The following CREBBP variants were observed in gnomAD, a reference collection of about 807,000 sequenced individuals.
CREBBP encodes the protein CREB-binding protein.
Under a neutral mutation model 265.0 loss-of-function variants are expected in CREBBP, and 19 were observed. The observed-to-expected ratio is 0.07, with a 90% confidence interval of 0.05 to 0.11. CREBBP has a LOEUF of 0.11. Ranked by LOEUF, CREBBP falls within the 10% of genes least tolerant of loss-of-function variation. The pLI is 1.00. For missense variants in CREBBP, 2,525 were observed against 3,219.0 expected (o/e 0.78, Z 5.22); for synonymous variants, 1,457 against 1,223.7 (o/e 1.19, Z -3.98).
Position 3,855,453 on chromosome 16 carries a change from C to CG in CREBBP, c.86-4445dup, listed in dbSNP as rs372976887. Among the ~76,000 whole-genome samples, 374 of 152,152 alleles carry CG rather than the reference C, an allele frequency of 2.5e-3. 2 individuals are homozygous for CG. The highest frequency in any genetic ancestry group is 8.6e-3 in the African/African-American group (355 of 41,514). On this transcript the variant is annotated intron_variant, in intron 1 of 30. Transcript: ENST00000262367. Reference sequence around the variant, plus strand: ...CTAACGTTTGTATTTTTAGTAGAGACGGGGTTTCGCCACGTTGGCCAGGCT... The same window carrying CG: ...CTAACGTTTGTATTTTTAGTAGAGACGGGGGTTTCGCCACGTTGGCCAGGCT...
chr16:3,814,867 G>A (rs1034285555), intron 2 of CREBBP, among the ~76,000 whole-genome samples: 20 of 152,122 alleles, frequency 1.3e-4, no homozygotes, highest in African/African-American at 4.3e-4. Flanking sequence ...CAAATCTCTG[G>A]CACCAGGGCC....
chr16:3,790,861 C>T (rs566522677), intron 5 of CREBBP, among the ~76,000 whole-genome samples: 88 of 152,282 alleles, frequency 5.8e-4, no homozygotes, highest in African/African-American at 1.9e-3. Context: ...GTCACTGGCA[C>T]GCCACTCCAC....
intron 2 of CREBBP, among the ~76,000 whole-genome samples, chr16:3,830,398 TCAAAA>T (rs746109725): frequency 6.6e-6 from 1 of 150,786 alleles, no homozygotes. Flanking sequence ...ACATCCTGTA[TCAAAA>T]CAAAACAAAA....
intron 1 of CREBBP, among the ~76,000 whole-genome samples, chr16:3,875,832 G>C (rs989107341): frequency 8.5e-5 from 13 of 152,104 alleles, no homozygotes; most frequent in African/African-American, 3.1e-4. Context: ...AGGTGACGTG[G>C]AGAAAAGCAC....
rs370509157 is a variant in CREBBP, at chr16:3,810,753, T to G, written c.825A>C (p.Pro275=). The G allele has an allele frequency of 8.7e-6, 14 of 1,613,896 alleles. No individual in the cohort carries two copies. The South Asian group carries it at 8.8e-5, about 10-fold the overall frequency. Residue 275 remains proline, a synonymous_variant, in exon 3 of 31, where the codon CCA becomes CCC. Coordinates refer to ENST00000262367, the MANE Select transcript of CREBBP (RefSeq NM_004380.3). ...AKMGITGNTS[P]FGQPFSQAGG... ...CAGCTTGACTAAAGGGCTGTCCAAATGGACTTGTGTTCCCAGTTATTCCCA... is the reference window on the plus strand; with the variant it reads ...CAGCTTGACTAAAGGGCTGTCCAAAGGGACTTGTGTTCCCAGTTATTCCCA...
At chr16:3,772,143 A>C (rs2053025816) in intron 13 of CREBBP, among the ~76,000 whole-genome samples, 1 of 151,638 alleles carries the variant, frequency 6.6e-6, no homozygotes, top group African/African-American at 2.4e-5. Context: ...ACATGTACCC[A>C]ATGTTCTTTA....
chr16:3,879,283 A>G (rs557039823), intron 1 of CREBBP, among the ~76,000 whole-genome samples: 8 of 151,966 alleles, frequency 5.3e-5, no homozygotes, highest in Non-Finnish European at 1.2e-4. Context: ...TTTTGAAAAT[A>G]AGCACTAAGC....
At chr16:3,773,988 C>A (rs1567302226) in intron 12 of CREBBP, 58 bp from the exon 13 acceptor site, 1 of 1,580,482 alleles carries the variant, frequency 6.3e-7, no homozygotes, top group Non-Finnish European at 8.7e-7. Context: ...CCAGAGTTTT[C>A]AAGGTGAGCC....
In CREBBP at chr16:3,726,986, G is replaced by A. The variant is rs556160720; in HGVS notation, c.*732C>T. 1.7e-5 allele frequency: 4 copies of A among 233,302 alleles called. No individual in the cohort carries two copies. The East Asian group carries it at 1.8e-4, about 11-fold the overall frequency. 14.5% of individuals were successfully genotyped at this position (233,302 alleles called of 1,614,324 possible). ...TCCTCATTTCAAGTTTCACATAGAAGAAAGAAAAGAAGGCTTCTTCTCTAG... is the reference window on the plus strand; with the variant it reads ...TCCTCATTTCAAGTTTCACATAGAAAAAAGAAAAGAAGGCTTCTTCTCTAG... On this transcript the variant is annotated 3_prime_UTR_variant, in exon 31 of 31. Transcript: ENST00000262367.
chr16:3,737,477 G>T (rs1395741463), intron 26 of CREBBP, among the ~76,000 whole-genome samples: 1 of 151,484 alleles, frequency 6.6e-6, no homozygotes, highest in Non-Finnish European at 1.5e-5. Context: ...TTGCGGGCGG[G>T]GGGCAGAGTT....
intron 3 of CREBBP, among the ~76,000 whole-genome samples, chr16:3,809,750 A>C (rs1382350058): frequency 6.6e-6 from 1 of 152,240 alleles, no homozygotes; most frequent in East Asian, 1.9e-4. Flanking sequence ...CAAATACTTC[A>C]AAATAAAAAG....
At chr16:3,777,473 C>G in intron 11 of CREBBP, 140 bp downstream of exon 11, 2 of 895,292 alleles carry the variant, frequency 2.2e-6, no homozygotes, top group South Asian at 1.4e-5. Context: ...ACCTGTAGAA[C>G]TGAATTCTGC....
At chr16:3,791,396 A>G (rs1398362262) in intron 5 of CREBBP, 6 of 168,216 alleles carry the variant, frequency 3.6e-5, no homozygotes, top group Admixed American at 2.2e-4. Context: ...CAGCAGCCCT[A>G]GGGCAGAGGC....
rs2151298197 is a variant in CREBBP, at chr16:3,727,784, G to A, written c.7263C>T (p.Ser2421=). 1.2e-6 allele frequency: 2 copies of A among 1,614,142 alleles called. No individual in the cohort carries two copies. Among genetic ancestry groups the A allele is most frequent in the Non-Finnish European group, 1.7e-6 (2 of 1,180,030 alleles). Residue 2421 remains serine, a synonymous_variant, in exon 31 of 31, where the codon TCC becomes TCT. Coordinates refer to ENST00000262367, the MANE Select transcript of CREBBP (RefSeq NM_004380.3). ...QLNTPSRSAL[S]SELSLVGDTT... ...TGTCCCCGACCAGGGACAGTTCGCT[G>A]GACAGCGCACTCCTGCTGGGGGTGT... is the stretch of plus-strand genomic sequence containing the variant.
In CREBBP at chr16:3,726,088, C is replaced by A. The variant is rs1213670832; in HGVS notation, c.*1630G>T. On this transcript the variant is annotated 3_prime_UTR_variant, in exon 31 of 31. Transcript: ENST00000262367. ...GGGACCTTTCTCACTGTAACAGGGA[C>A]CGGAGCTGGTGCTCCAAGGTGTCTG... The A allele has an allele frequency of 4.3e-6, 1 of 233,202 alleles. No individual in the cohort carries two copies. The highest frequency in any genetic ancestry group is 8.5e-6 in the Non-Finnish European group (1 of 118,072). The allele number at this position is 233,202 out of a possible 1,614,324, so 14.4% of individuals were successfully genotyped here.
chr16:3,800,178 G>C (rs138603591), intron 3 of CREBBP, among the ~76,000 whole-genome samples: 1 of 152,174 alleles, frequency 6.6e-6, no homozygotes, highest in African/African-American at 2.4e-5. Flanking sequence ...AAGTGAAGTA[G>C]TGCAATCATG....
In CREBBP at chr16:3,745,807, G is replaced by A. The variant is rs185034603; in HGVS notation, c.3837-453C>T. 6.9e-3 allele frequency among the ~76,000 whole-genome samples: 1,048 copies of A among 152,290 alleles called. 13 individuals carry two copies. Among genetic ancestry groups the A allele is most frequent in the Middle Eastern group, 0.017 (5 of 294 alleles). ...TCTAAAATTGTTGAGGATACTAATG[G>A]GAAACACGGCCAGTTCAGAGCAGCC... On this transcript the variant is annotated intron_variant, in intron 21 of 30. Transcript: ENST00000262367.
intron 1 of CREBBP, among the ~76,000 whole-genome samples, chr16:3,861,092 G>A (rs537343914): frequency 6.6e-6 from 1 of 152,204 alleles, no homozygotes; most frequent in East Asian, 1.9e-4. Context: ...CCAACATGGT[G>A]AAACCCTGTC....
At chr16:3,810,893 A>G in intron 2 of CREBBP, 114 bp from the exon 3 acceptor site, 4 of 1,092,588 alleles carry the variant, frequency 3.7e-6, no homozygotes, top group Non-Finnish European at 5.4e-6. Context: ...GATAAATTCA[A>G]GGTTCATTAT....
Sources: gnomAD v4.1 joint callset for allele counts (sites outside exome capture counted in the v4.1 genomes callset) on GRCh38, gnomAD v4.1.1 for gene constraint, MANE v1.5 for transcripts, NCBI Gene and HGNC (gene_info 2026-07-23, HGNC 2026-07-21) for gene names.